The following TSHZ1 variants were observed in gnomAD, a reference collection of about 807,000 sequenced individuals.
TSHZ1 encodes the protein teashirt homolog 1.
TSHZ1 carries 12 observed loss-of-function variants against 67.1 expected under a neutral mutation model. The observed-to-expected ratio is 0.18, with a 90% CI of 0.11 to 0.29. The LOEUF (loss-of-function observed/expected upper bound fraction) is 0.29. Ranked by LOEUF, TSHZ1 falls within the 10% of genes least tolerant of loss-of-function variation. The probability of loss-of-function intolerance (pLI) is 1.00; values close to 1 mark genes in which losing one functional copy is unlikely to be tolerated. For synonymous variants in TSHZ1, 632 were observed against 622.4 expected, an observed-to-expected ratio of 1.02 and a Z score of -0.23; for missense variants, 1,305 against 1,413.9, an observed-to-expected ratio of 0.92 and a Z score of 1.23.
chr18:75,284,371 C>CCAA (rs2023723812), intron 1 of TSHZ1: 1 of 152,458 alleles, frequency 6.6e-6, no homozygotes, highest in African/African-American at 2.4e-5. Context: ...GAGCGTGGAC[C>CCAA]GTTGGGCTTT....
rs1038552730 is a variant in TSHZ1 at position 75,287,114 on chromosome 18, T to C, written c.1707T>C (p.Gly569=). 30 of 1,613,960 alleles carry C rather than the reference T, an allele frequency of 1.9e-5. No individual in the cohort carries two copies. The highest frequency in any genetic ancestry group is 3.3e-4 in the Middle Eastern group (2 of 6,084). The change falls in exon 2 of 2, where the codon GGT becomes GGC. Residue 569 remains glycine (G), a synonymous_variant. Coordinates refer to ENST00000580243, the MANE Select transcript of TSHZ1 (RefSeq NM_001308210.2). The surrounding 1 kb of genome is among the most constrained non-coding windows in gnomAD (Gnocchi z 5.0). Reference sequence around the variant, plus strand: ...CGGCCATTAGCAAAGCTCAGAATGGTGCGCCCTCATGGGGTGGCTACCCCA... The same window carrying C: ...CGGCCATTAGCAAAGCTCAGAATGGCGCGCCCTCATGGGGTGGCTACCCCA... The part of the protein sequence containing the change: ...VSTAISKAQN[G]APSWGGYPSI...
chr18:75,260,145 G>C (rs1367470848), intron 1 of TSHZ1, among the ~76,000 whole-genome samples: 1 of 152,268 alleles, frequency 6.6e-6, no homozygotes, highest in Non-Finnish European at 1.5e-5. Flanking sequence ...CCTGGCCCCG[G>C]AGGGGTTCTT....
chr18:75,212,359 T>C (rs1238291725), intron 1 of TSHZ1, among the ~76,000 whole-genome samples: 1 of 151,996 alleles, frequency 6.6e-6, no homozygotes, highest in Non-Finnish European at 1.5e-5. Flanking sequence ...AGAAGATTTC[T>C]CTGGAAAACA....
chr18:75,229,114 G>A lies in TSHZ1; in HGVS notation c.40+17198G>A, dbSNP rs888013665. Among the ~76,000 whole-genome samples the A allele has an allele frequency of 5.3e-5, 8 of 152,256 alleles. No individual in the cohort carries two copies. The East Asian group carries it at 1.5e-3, about 29-fold the overall frequency. On this transcript the variant is annotated intron_variant, in intron 1 of 1. Coordinates refer to ENST00000580243, the MANE Select transcript of TSHZ1 (RefSeq NM_001308210.2). ...GCCCTGGGCGGGGCAGGTGTTGGGC[G>A]TGCTGCCCTGGCCTGCGTGCAGCCA...
chr18:75,256,719 T>C (rs1227537006), intron 1 of TSHZ1, among the ~76,000 whole-genome samples: 1 of 152,202 alleles, frequency 6.6e-6, no homozygotes, highest in African/African-American at 2.4e-5. Context: ...GTTTGAAATT[T>C]TTAGTGATTT....
At chr18:75,224,725 C>T (rs532748884) in intron 1 of TSHZ1, among the ~76,000 whole-genome samples, 1 of 152,228 alleles carries the variant, frequency 6.6e-6, no homozygotes, top group African/African-American at 2.4e-5. Context: ...TGAATCAATG[C>T]TTGCACACAG....
At chr18:75,229,975 G>A (rs567957121) in intron 1 of TSHZ1, among the ~76,000 whole-genome samples, 2 of 152,162 alleles carry the variant, frequency 1.3e-5, no homozygotes, top group Non-Finnish European at 2.9e-5. Context: ...TCATAATGGT[G>A]GTGATACTGG....
chr18:75,260,200 C>G lies in TSHZ1; in HGVS notation c.41-25248C>G, dbSNP rs908870158. Among the ~76,000 whole-genome samples the G allele has an allele frequency of 2.0e-5, 3 of 152,078 alleles. No homozygotes were observed. The East Asian group carries it at 5.9e-4, about 30-fold the overall frequency. On this transcript the variant is annotated intron_variant, in intron 1 of 1. Transcript: ENST00000580243. ...TCTTAGCCTGCGGCTTCTCGTGTTT[C>G]CCTGGCCTTCAGTCACTAACGTGTG...
At chr18:75,283,743 C>T (rs967036736) in intron 1 of TSHZ1, 1 of 152,330 alleles carries the variant, frequency 6.6e-6, no homozygotes, top group Non-Finnish European at 1.5e-5. Flanking sequence ...TGTGTGTACA[C>T]ATGTGATTAT....
At chr18:75,217,774 G>A (rs1296336845) in intron 1 of TSHZ1, among the ~76,000 whole-genome samples, 1 of 152,198 alleles carries the variant, frequency 6.6e-6, no homozygotes, top group East Asian at 1.9e-4. Flanking sequence ...AAGGGACTTA[G>A]GGAGATTGAG....
chr18:75,237,837 G>A (rs914527261), intron 1 of TSHZ1, among the ~76,000 whole-genome samples: 6 of 110,854 alleles, frequency 5.4e-5, no homozygotes, highest in Non-Finnish European at 1.3e-4. Context: ...TTTGAGACGG[G>A]GTTTCACTCT....
At position 75,211,469 on chromosome 18, in the gene TSHZ1, C is replaced by G. The variant is rs943168423; in HGVS notation, c.-408C>G. Reference sequence around the variant, plus strand: ...GCGGAAGAAGGCGCAGGGGAGCGCCCGGAGCGGCGCGCCGGGAGGAGCGCC... The same window carrying G: ...GCGGAAGAAGGCGCAGGGGAGCGCCGGGAGCGGCGCGCCGGGAGGAGCGCC... On this transcript the variant is annotated 5_prime_UTR_variant, in exon 1 of 2. Transcript: ENST00000580243. 6 of 149,814 alleles carry G rather than the reference C, an allele frequency of 4.0e-5. No homozygotes were observed. The highest frequency in any genetic ancestry group is 7.4e-5 in the Non-Finnish European group (5 of 67,162). The allele number at this position is 149,814 out of a possible 1,614,324, so 9.3% of individuals were successfully genotyped here.
At chr18:75,257,427 C>T (rs1466025429) in intron 1 of TSHZ1, among the ~76,000 whole-genome samples, 1 of 152,116 alleles carries the variant, frequency 6.6e-6, no homozygotes, top group Non-Finnish European at 1.5e-5. Flanking sequence ...TTGGCTAGGA[C>T]AAGGCAGAGA....
At chr18:75,273,849 TC>T (rs1175067030) in intron 1 of TSHZ1, among the ~76,000 whole-genome samples, 1 of 152,248 alleles carries the variant, frequency 6.6e-6, no homozygotes, top group Non-Finnish European at 1.5e-5. Flanking sequence ...GATCCAGTTG[TC>T]CCATTTCCAT....
At chr18:75,240,893 T>G (rs2023147605) in intron 1 of TSHZ1, among the ~76,000 whole-genome samples, 2 of 152,224 alleles carry the variant, frequency 1.3e-5, no homozygotes, top group South Asian at 4.1e-4. Context: ...AAACCTGCTA[T>G]TTAGTTAAAT....
chr18:75,265,514 G>A (rs1294477492), intron 1 of TSHZ1, among the ~76,000 whole-genome samples: 2 of 152,176 alleles, frequency 1.3e-5, no homozygotes, highest in African/African-American at 2.4e-5. Context: ...AAATGACGTC[G>A]TAGGTCGTAT....
intron 1 of TSHZ1, among the ~76,000 whole-genome samples, chr18:75,250,583 A>T (rs1055057658): frequency 2.6e-5 from 4 of 152,210 alleles, no homozygotes; most frequent in African/African-American, 7.2e-5. Flanking sequence ...CGGCTCAGCC[A>T]GTGCCCATGG....
intron 1 of TSHZ1, among the ~76,000 whole-genome samples, chr18:75,272,327 G>A (rs2023568537): frequency 6.6e-6 from 1 of 152,190 alleles, no homozygotes; most frequent in African/African-American, 2.4e-5. Flanking sequence ...TCATTCTAAG[G>A]GAGGATGAGA....
intron 1 of TSHZ1, among the ~76,000 whole-genome samples, chr18:75,233,116 G>A (rs1012423496): frequency 6.6e-6 from 1 of 152,184 alleles, no homozygotes; most frequent in Non-Finnish European, 1.5e-5. Flanking sequence ...TGGAACTCCC[G>A]GCTGCTGTCA....
Sources: allele counts gnomAD v4.1 joint callset (sites outside exome capture counted in the v4.1 genomes callset), GRCh38; gene constraint gnomAD v4.1.1; non-coding constraint Gnocchi (gnomAD v3.1); transcripts MANE v1.5; gene names NCBI Gene and HGNC (gene_info 2026-07-23, HGNC 2026-07-21).